RPS6KA3: variants seen among roughly 807,000 people sequenced by gnomAD.
RPS6KA3 encodes ribosomal protein S6 kinase alpha-3.
Under a neutral mutation model 67.2 loss-of-function variants are expected in RPS6KA3, and 4 were observed. That is an observed-to-expected ratio of 0.06 (90% CI 0.03 to 0.14). The LOEUF (loss-of-function observed/expected upper bound fraction) is 0.14. Ranked by LOEUF, RPS6KA3 falls within the 10% of genes least tolerant of loss-of-function variation. The pLI, the probability that RPS6KA3 is intolerant of heterozygous loss-of-function variation, is 1.00. For synonymous variants in RPS6KA3, 182 were observed against 183.7 expected, an observed-to-expected ratio of 0.99 and a Z score of 0.07; for missense variants, 204 against 559.0, an observed-to-expected ratio of 0.36 and a Z score of 6.40.
intron 17 of RPS6KA3, 28 bp from the exon 18 acceptor site, chrX:20,165,088 T>G (rs2067399807): frequency 1.8e-6 from 2 of 1,099,019 alleles, no homozygotes; most frequent in Non-Finnish European, 2.5e-6. Context: ...TAAAGAGTTA[T>G]GTTAACAATA....
chrX:20,264,952 A>G (rs1251345254), intron 1 of RPS6KA3, among the ~76,000 whole-genome samples: 1 of 112,488 alleles, frequency 8.9e-6, no homozygotes, highest in African/African-American at 3.2e-5. Context: ...CTACCCATCT[A>G]AAGGATTATT....
chrX:20,171,530 T>C (rs754049280), intron 15 of RPS6KA3, among the ~76,000 whole-genome samples: 31 of 112,116 alleles, frequency 2.8e-4, no homozygotes, highest in African/African-American at 1.0e-3. Context: ...TGAGCCCAGT[T>C]TGCATTAGAT....
chrX:20,224,328 T>A (rs1411603897), intron 2 of RPS6KA3, among the ~76,000 whole-genome samples: 4 of 110,658 alleles, frequency 3.6e-5, no homozygotes, highest in African/African-American at 1.3e-4. Flanking sequence ...GAGGGCTGAG[T>A]ATGGGGACTG....
At position 20,266,741 on chromosome X, in the gene RPS6KA3, GGCGGCGGCAGCGGCA is replaced by G; in HGVS notation, c.-124_-110del. The G allele has an allele frequency of 3.0e-6, 1 of 336,906 alleles. No homozygotes were observed. The highest frequency in any genetic ancestry group is 3.4e-6 in the Non-Finnish European group (1 of 290,129). The allele number at this position is 336,906 out of a possible 1,213,427, so 27.8% of individuals were successfully genotyped here. ...CCACGGCAGCGGCGGCGGCGGCGGC[GGCGGCGGCAGCGGCA>G]GCGGCAGCGGCAGCAGCAGCAGCAG... On this transcript the variant is annotated 5_prime_UTR_variant, in exon 1 of 22. Coordinates refer to ENST00000379565, the MANE Select transcript of RPS6KA3 (RefSeq NM_004586.3).
intron 17 of RPS6KA3, among the ~76,000 whole-genome samples, chrX:20,165,697 G>A (rs1182720362): frequency 8.9e-6 from 1 of 112,096 alleles, no homozygotes; most frequent in African/African-American, 3.2e-5. Context: ...GGAATAGACA[G>A]GGCATTGAGG....
intron 1 of RPS6KA3, chrX:20,240,518 A>T (rs2069526490): frequency 2.1e-6 from 1 of 486,865 alleles, no homozygotes. Context: ...CAATGAAACA[A>T]TAAGAAACAA....
Position 20,155,163 on chromosome X carries a change from T to C in RPS6KA3, c.*235A>G, listed in dbSNP as rs2067162091. ...ATTTTTCTCATTGATTCAGTGACTATATCTTCATCATGTTTCCATTTTCAT... is the reference window on the plus strand; with the variant it reads ...ATTTTTCTCATTGATTCAGTGACTACATCTTCATCATGTTTCCATTTTCAT... On this transcript the variant is annotated 3_prime_UTR_variant, in exon 22 of 22. Coordinates refer to ENST00000379565, the MANE Select transcript of RPS6KA3 (RefSeq NM_004586.3). 3 of 420,390 alleles carry C rather than the reference T, an allele frequency of 7.1e-6. No individual in the cohort carries two copies. The highest frequency in any genetic ancestry group is 8.2e-5 in the East Asian group (2 of 24,325). The allele number at this position is 420,390 out of a possible 1,213,427, so 34.6% of individuals were successfully genotyped here.
In RPS6KA3 at chrX:20,226,977, C is replaced by G. The variant is rs141754709; in HGVS notation, c.126+7781G>C. On this transcript the variant is annotated intron_variant, in intron 2 of 21. Transcript: ENST00000379565. ...TAAAGAATATACTTTAGTTACATCT[C>G]TTGTGTACAATTTTTGTTTTTCCTT... is the stretch of plus-strand genomic sequence containing the variant. Among the ~76,000 whole-genome samples the G allele has an allele frequency of 6.9e-3, 772 of 112,060 alleles. 5 individuals are homozygous for G. The highest frequency in any genetic ancestry group is 0.012 in the Non-Finnish European group (613 of 53,167).
chrX:20,178,425 C>T (rs1271374905), intron 10 of RPS6KA3, among the ~76,000 whole-genome samples: 1 of 107,433 alleles, frequency 9.3e-6, no homozygotes, highest in Non-Finnish European at 1.9e-5. Flanking sequence ...ATTAGACACA[C>T]AGAATTAAAA....
chrX:20,201,144 A>G (rs1183590922), intron 4 of RPS6KA3, among the ~76,000 whole-genome samples: 1 of 111,101 alleles, frequency 9.0e-6, no homozygotes, highest in African/African-American at 3.3e-5. Context: ...CTGCCATCAT[A>G]TGAAATAACA....
At chrX:20,230,806 G>C (rs1301245623) in intron 2 of RPS6KA3, among the ~76,000 whole-genome samples, 1 of 111,234 alleles carries the variant, frequency 9.0e-6, no homozygotes, top group Non-Finnish European at 1.9e-5. Flanking sequence ...CTAAAAAACA[G>C]ATAGAAACAC....
At chrX:20,191,333 G>A (rs1340418810) in intron 7 of RPS6KA3, among the ~76,000 whole-genome samples, 1 of 111,577 alleles carries the variant, frequency 9.0e-6, no homozygotes, top group Non-Finnish European at 1.9e-5. Context: ...ATAAACATAC[G>A]TGTGCATGTG....
chrX:20,189,980 TAG>T (rs2068082282), intron 7 of RPS6KA3, among the ~76,000 whole-genome samples: 1 of 111,161 alleles, frequency 9.0e-6, no homozygotes. Flanking sequence ...TCAACACATT[TAG>T]AGAGTATAAA....
rs200629706 is a variant in RPS6KA3, at chrX:20,184,952, AT to A, written c.845+1343del. ...AAACACTGTCCTCTTTGAAAATTCC[AT>A]TTTTTTTTTGAGATGAAATTTCACT... On this transcript the variant is annotated intron_variant, in intron 10 of 21. Coordinates refer to ENST00000379565, the MANE Select transcript of RPS6KA3 (RefSeq NM_004586.3). 8.5e-3 allele frequency among the ~76,000 whole-genome samples: 908 copies of A among 107,085 alleles called. 11 individuals are homozygous for A. The highest frequency in any genetic ancestry group is 0.029 in the African/African-American group (869 of 29,546). 93.0% of individuals were successfully genotyped at this position (107,085 alleles called of 115,157 possible).
intron 1 of RPS6KA3, among the ~76,000 whole-genome samples, chrX:20,236,347 G>T (rs1368871012): frequency 8.9e-6 from 1 of 111,786 alleles, no homozygotes; most frequent in Non-Finnish European, 1.9e-5. Flanking sequence ...CTGGAAAAAG[G>T]AGTAGTCCCG....
At chrX:20,166,364 T>C (rs779267976) in intron 17 of RPS6KA3, among the ~76,000 whole-genome samples, 1 of 111,795 alleles carries the variant, frequency 8.9e-6, no homozygotes, top group Admixed American at 9.5e-5. Context: ...AGGTCATAAG[T>C]TCCTCAGTGA....
chrX:20,201,976 C>CTTTTTT (rs1282039865), intron 4 of RPS6KA3, among the ~76,000 whole-genome samples: 23 of 82,721 alleles, frequency 2.8e-4, no homozygotes, highest in Non-Finnish European at 4.4e-4. Flanking sequence ...TTTCTTTTTT[C>CTTTTTT]TTTTTTTTTT....
At chrX:20,213,139 C>T (rs961051764) in intron 2 of RPS6KA3, among the ~76,000 whole-genome samples, 63 of 112,170 alleles carry the variant, frequency 5.6e-4, no homozygotes, top group African/African-American at 2.0e-3. Flanking sequence ...TTCTCTTACA[C>T]ATAGCCTTTT....
intron 2 of RPS6KA3, among the ~76,000 whole-genome samples, chrX:20,225,840 A>C: frequency 8.9e-6 from 1 of 112,147 alleles, no homozygotes; most frequent in African/African-American, 3.2e-5. Flanking sequence ...GAAAAGGCTG[A>C]ACCTTTAGAA....
Sources: gnomAD v4.1 joint callset for allele counts (sites outside exome capture counted in the v4.1 genomes callset) on GRCh38, gnomAD v4.1.1 for gene constraint, MANE v1.5 for transcripts, NCBI Gene and HGNC (gene_info 2026-07-23, HGNC 2026-07-21) for gene names.